The following CTNND2 variants were observed in gnomAD, a reference collection of about 807,000 sequenced individuals.
CTNND2 encodes catenin delta-2.
A neutral mutation model predicts 144.4 loss-of-function variants in CTNND2; 22 were observed. That is an observed-to-expected ratio of 0.15 (90% CI 0.11 to 0.22). The LOEUF is 0.22. CTNND2 is among the 10% of genes least tolerant of loss of function. The probability of loss-of-function intolerance (pLI) is 1.00; values close to 1 mark genes in which losing one functional copy is unlikely to be tolerated. For missense variants in CTNND2, 1,353 were observed against 1,618.8 expected, an observed-to-expected ratio of 0.84 and a Z score of 2.82; for synonymous variants, 751 against 695.6, an observed-to-expected ratio of 1.08 and a Z score of -1.25.
chr5:11,324,771 T>C (rs1752363598), intron 9 of CTNND2, among the ~76,000 whole-genome samples: 1 of 152,162 alleles, frequency 6.6e-6, no homozygotes, highest in Admixed American at 6.5e-5. Context: ...GGAAAGTGTA[T>C]AGTTGGCCCA....
chr5:11,667,271 G>T (rs1783619804), intron 2 of CTNND2, among the ~76,000 whole-genome samples: 1 of 151,912 alleles, frequency 6.6e-6, no homozygotes, highest in South Asian at 2.1e-4. Flanking sequence ...TAATCCTTTG[G>T]GTATATACCC....
intron 1 of CTNND2, among the ~76,000 whole-genome samples, chr5:11,847,140 A>G (rs1254256927): frequency 2.0e-5 from 1 of 49,682 alleles, no homozygotes; most frequent in African/African-American, 1.1e-4. Flanking sequence ...ATATATATAT[A>G]TATATATATA....
intron 1 of CTNND2, among the ~76,000 whole-genome samples, chr5:11,832,280 C>A (rs375948385): frequency 2.6e-5 from 4 of 151,514 alleles, no homozygotes; most frequent in South Asian, 4.2e-4. Context: ...GAGATTCCAT[C>A]TCACAAAAAT....
intron 3 of CTNND2, among the ~76,000 whole-genome samples, chr5:11,453,648 C>T (rs2149917611): frequency 6.6e-6 from 1 of 152,300 alleles, no homozygotes; most frequent in South Asian, 2.1e-4. Flanking sequence ...ATTCAAAGAA[C>T]ATATAACCTA....
At chr5:11,197,627 G>T (rs1451556584) in intron 11 of CTNND2, among the ~76,000 whole-genome samples, 1 of 152,156 alleles carries the variant, frequency 6.6e-6, no homozygotes, top group Non-Finnish European at 1.5e-5. Flanking sequence ...ATGTTGCCCA[G>T]GCACACGTGA....
At chr5:11,401,475 C>T (rs945407020) in intron 5 of CTNND2, among the ~76,000 whole-genome samples, 5 of 152,232 alleles carry the variant, frequency 3.3e-5, no homozygotes, top group East Asian at 3.9e-4. Flanking sequence ...AGTATCTGAA[C>T]GTGTGTTGAA....
At chr5:11,654,716 A>G (rs1782821980) in intron 2 of CTNND2, among the ~76,000 whole-genome samples, 1 of 151,622 alleles carries the variant, frequency 6.6e-6, no homozygotes, top group African/African-American at 2.4e-5. Flanking sequence ...TTCCTTTCCA[A>G]TATGGATGTC....
At chr5:11,487,110 C>T (rs974057165) in intron 3 of CTNND2, among the ~76,000 whole-genome samples, 1 of 152,090 alleles carries the variant, frequency 6.6e-6, no homozygotes, top group Admixed American at 6.6e-5. Flanking sequence ...TTTGCTGAAA[C>T]CTCCATGACC....
chr5:11,123,076 T>A (rs1754310305), intron 12 of CTNND2, among the ~76,000 whole-genome samples: 1 of 152,206 alleles, frequency 6.6e-6, no homozygotes, highest in African/African-American at 2.4e-5. Context: ...ACAGTCGCAG[T>A]TGCCAGGGCT....
intron 18 of CTNND2, among the ~76,000 whole-genome samples, chr5:11,008,099 A>T (rs1276592964): frequency 6.6e-6 from 1 of 152,074 alleles, no homozygotes; most frequent in East Asian, 1.9e-4. Flanking sequence ...GAGGAGCCAA[A>T]CCCCTGGCTC....
At chr5:11,816,458 G>A (rs1475462401) in intron 1 of CTNND2, among the ~76,000 whole-genome samples, 3 of 151,294 alleles carry the variant, frequency 2.0e-5, no homozygotes, top group Non-Finnish European at 4.4e-5. Flanking sequence ...CAGGGTCTAC[G>A]CAGAACCTCA....
chr5:11,629,012 A>C (rs1376408174), intron 2 of CTNND2, among the ~76,000 whole-genome samples: 1 of 152,186 alleles, frequency 6.6e-6, no homozygotes, highest in Non-Finnish European at 1.5e-5. Context: ...ATTTTTGTGG[A>C]AGGTGGATGA....
chr5:11,609,009 C>T lies in CTNND2; in HGVS notation c.175-43953G>A, dbSNP rs367949052. 4.6e-5 allele frequency among the ~76,000 whole-genome samples: 7 copies of T among 152,288 alleles called. No individual in the cohort carries two copies. The South Asian group carries it at 1.4e-3, about 32-fold the overall frequency. On this transcript the variant is annotated intron_variant, in intron 2 of 21. Coordinates refer to ENST00000304623, the MANE Select transcript of CTNND2 (RefSeq NM_001332.4). ...CAGATCCATGAAGCAATTCCTGCAGCCTGGACCACGTTTTCGTCACATGGC... is the reference window on the plus strand; with the variant it reads ...CAGATCCATGAAGCAATTCCTGCAGTCTGGACCACGTTTTCGTCACATGGC...
intron 12 of CTNND2, among the ~76,000 whole-genome samples, chr5:11,156,224 C>T (rs1235538013): frequency 1.3e-5 from 2 of 152,172 alleles, no homozygotes; most frequent in African/African-American, 4.8e-5. Context: ...CTCTAATAAG[C>T]TTTTGGACAT....
chr5:11,107,808 C>T (rs1260203659), intron 14 of CTNND2, among the ~76,000 whole-genome samples: 1 of 152,040 alleles, frequency 6.6e-6, no homozygotes, highest in Non-Finnish European at 1.5e-5. Flanking sequence ...ACGCTTGGCT[C>T]ACAGCAGCCC....
intron 3 of CTNND2, among the ~76,000 whole-genome samples, chr5:11,510,762 C>T (rs1771559381): frequency 6.6e-6 from 1 of 152,108 alleles, no homozygotes; most frequent in Admixed American, 6.5e-5. Flanking sequence ...GAAACCCCGT[C>T]TCTACAAAAA....
intron 3 of CTNND2, among the ~76,000 whole-genome samples, chr5:11,505,409 T>C (rs1770936399): frequency 6.6e-6 from 1 of 152,126 alleles, no homozygotes; most frequent in Admixed American, 6.5e-5. Flanking sequence ...GGTAAATAAA[T>C]CAACACTCAC....
At chr5:11,375,882 G>T (rs1478378785) in intron 7 of CTNND2, among the ~76,000 whole-genome samples, 3 of 152,164 alleles carry the variant, frequency 2.0e-5, no homozygotes, top group African/African-American at 7.2e-5. Context: ...ATAACAACAA[G>T]CGAACTGACT....
chr5:11,648,884 T>C (rs1003389740), intron 2 of CTNND2, among the ~76,000 whole-genome samples: 1 of 152,222 alleles, frequency 6.6e-6, no homozygotes, highest in Non-Finnish European at 1.5e-5. Context: ...GTTACTGTAA[T>C]CTGATTTCAT....
Sources: allele counts gnomAD v4.1 joint callset (sites outside exome capture counted in the v4.1 genomes callset), GRCh38; gene constraint gnomAD v4.1.1; transcripts MANE v1.5; gene names NCBI Gene and HGNC (gene_info 2026-07-23, HGNC 2026-07-21).